Variants in AFF3 observed in about 807,000 individuals in gnomAD.
The protein encoded by AFF3 is ALF transcription elongation factor 3.
In AFF3, 32 loss-of-function variants were observed where a neutral mutation model predicts 129.7. That is an observed-to-expected ratio of 0.25 (90% CI 0.19 to 0.33). The LOEUF (loss-of-function observed/expected upper bound fraction) is 0.33, where lower values mean the gene tolerates loss of function less well. Ranked by LOEUF, AFF3 falls within the 10% of genes least tolerant of loss-of-function variation. The pLI is 1.00. For missense variants in AFF3, 1,373 were observed against 1,592.0 expected, an observed-to-expected ratio of 0.86 and a Z score of 2.34; for synonymous variants, 644 against 635.4, an observed-to-expected ratio of 1.01 and a Z score of -0.20.
intron 11 of AFF3, among the ~76,000 whole-genome samples, chr2:99,726,731 A>G (rs1679391209): frequency 6.6e-6 from 1 of 152,244 alleles, no homozygotes. Flanking sequence ...GTTACTGCAC[A>G]GCTGTGTGGG....
chr2:99,640,746 T>C (rs1684119226), intron 13 of AFF3, among the ~76,000 whole-genome samples: 1 of 152,310 alleles, frequency 6.6e-6, no homozygotes, highest in Admixed American at 6.5e-5. Flanking sequence ...GTACTACTAA[T>C]AGTCAAGATG....
At chr2:99,824,053 T>C (rs985484550) in intron 8 of AFF3, among the ~76,000 whole-genome samples, 1 of 152,064 alleles carries the variant, frequency 6.6e-6, no homozygotes, top group Admixed American at 6.5e-5. Flanking sequence ...TATACCCATG[T>C]AACAAACATG....
chr2:99,933,619 G>GT (rs1350231120), intron 7 of AFF3, among the ~76,000 whole-genome samples: 1 of 152,090 alleles, frequency 6.6e-6, no homozygotes, highest in South Asian at 2.1e-4. Flanking sequence ...TCTTGTGATA[G>GT]TTTGCTGAGA....
At chr2:99,637,591 C>T (rs369826611) in intron 13 of AFF3, among the ~76,000 whole-genome samples, 7 of 152,252 alleles carry the variant, frequency 4.6e-5, no homozygotes, top group East Asian at 1.9e-4. Flanking sequence ...CTAACAGAAC[C>T]GACCACCAAT....
intron 7 of AFF3, among the ~76,000 whole-genome samples, chr2:99,976,283 G>C (rs1255885184): frequency 1.3e-5 from 2 of 151,400 alleles, no homozygotes; most frequent in African/African-American, 4.9e-5. Flanking sequence ...TTTCTTTCTG[G>C]TCATCAATTA....
intron 8 of AFF3, among the ~76,000 whole-genome samples, chr2:99,806,843 A>G (rs768456422): frequency 3.9e-5 from 6 of 152,170 alleles, no homozygotes; most frequent in Non-Finnish European, 5.9e-5. Flanking sequence ...TACCACTGAG[A>G]ATCCACAGTA....
chr2:99,622,061 T>G (rs1401886541), intron 13 of AFF3, among the ~76,000 whole-genome samples: 1 of 152,112 alleles, frequency 6.6e-6, no homozygotes, highest in Non-Finnish European at 1.5e-5. Flanking sequence ...AAGCTGAAAT[T>G]CTATGAGCAA....
intron 9 of AFF3, among the ~76,000 whole-genome samples, chr2:99,746,975 AAAAG>A (rs1681213518): frequency 6.6e-6 from 1 of 151,952 alleles, no homozygotes; most frequent in Admixed American, 6.5e-5. Context: ...AGAAAGGAAA[AAAAG>A]AACAGAATTT....
intron 7 of AFF3, among the ~76,000 whole-genome samples, chr2:99,978,033 T>A (rs1274743460): frequency 6.6e-6 from 1 of 152,170 alleles, no homozygotes; most frequent in Non-Finnish European, 1.5e-5. Context: ...CACACTAGTC[T>A]GTAAAACTCC....
intron 4 of AFF3, among the ~76,000 whole-genome samples, chr2:100,050,764 C>T (rs1012766390): frequency 6.6e-6 from 1 of 152,186 alleles, no homozygotes; most frequent in African/African-American, 2.4e-5. Context: ...TCCCAGCAGT[C>T]CCTGCTTCAC....
At chr2:99,777,868 C>T (rs1684038289) in intron 8 of AFF3, among the ~76,000 whole-genome samples, 1 of 146,838 alleles carries the variant, frequency 6.8e-6, no homozygotes, top group Non-Finnish European at 1.5e-5. Context: ...GTGTCCTGTA[C>T]ACCCTGGCCC....
Position 99,551,364 on chromosome 2 carries a change from T to C in AFF3, c.*110A>G. On this transcript the variant is annotated 3_prime_UTR_variant, in exon 25 of 25. Transcript: ENST00000672756. ...ATCATTGTTCAATGCTGAGGAAATG[T>C]TCACCGCAGTCTGATAAATGCTGTG... 7.1e-7 allele frequency: 1 copy of C among 1,417,266 alleles called. No individual in the cohort carries two copies. The highest frequency in any genetic ancestry group is 9.6e-7 in the Non-Finnish European group (1 of 1,041,150). The allele number at this position is 1,417,266 out of a possible 1,614,324, so 87.8% of individuals were successfully genotyped here. A position where few individuals can be genotyped will look rare whatever the true frequency, so the allele number is the denominator to read the frequency against.
At chr2:100,011,959 C>T (rs1238805060) in intron 4 of AFF3, among the ~76,000 whole-genome samples, 1 of 152,042 alleles carries the variant, frequency 6.6e-6, no homozygotes, top group Non-Finnish European at 1.5e-5. Context: ...TGCCTCATCC[C>T]CCAACCCCTT....
intron 7 of AFF3, among the ~76,000 whole-genome samples, chr2:99,994,365 T>TA (rs1680645115): frequency 6.6e-6 from 1 of 152,038 alleles, no homozygotes; most frequent in South Asian, 2.1e-4. Flanking sequence ...AAGAGAGAGG[T>TA]AAAAAAAGTG....
chr2:100,107,884 C>A (rs959163033), intron 2 of AFF3, among the ~76,000 whole-genome samples: 2 of 152,134 alleles, frequency 1.3e-5, no homozygotes, highest in African/African-American at 4.8e-5. Flanking sequence ...TTAATTCATG[C>A]CTTATCCTGA....
chr2:99,623,836 C>A (rs535575645), intron 13 of AFF3, among the ~76,000 whole-genome samples: 13 of 152,322 alleles, frequency 8.5e-5, no homozygotes, highest in African/African-American at 3.1e-4. Flanking sequence ...ACAGGCAAGG[C>A]CAGGTGGGGC....
chr2:100,046,016 G>A (rs1227836625), intron 4 of AFF3, among the ~76,000 whole-genome samples: 5 of 152,106 alleles, frequency 3.3e-5, no homozygotes, highest in Non-Finnish European at 4.4e-5. Flanking sequence ...TCTAACCCCA[G>A]AGCTGTTCAA....
At chr2:100,106,899 A>T (rs1450998150) in intron 2 of AFF3, 1 of 985,388 alleles carries the variant, frequency 1.0e-6, no homozygotes, top group Non-Finnish European at 1.2e-6. Flanking sequence ...GGGATGGTAT[A>T]GAGCTGGTTG....
At chr2:99,582,564 A>T (rs1260956524) in intron 17 of AFF3, among the ~76,000 whole-genome samples, 1 of 152,182 alleles carries the variant, frequency 6.6e-6, no homozygotes, top group Non-Finnish European at 1.5e-5. Context: ...GGAAAAATAA[A>T]ATCTTGCCTA....
Sources: gnomAD v4.1 joint callset for allele counts (sites outside exome capture counted in the v4.1 genomes callset) on GRCh38, gnomAD v4.1.1 for gene constraint, MANE v1.5 for transcripts, NCBI Gene and HGNC (gene_info 2026-07-23, HGNC 2026-07-21) for gene names.